Variants in SVIL observed in about 807,000 individuals in gnomAD.
SVIL encodes archvillin.
SVIL carries 101 observed loss-of-function variants against 240.4 expected under a neutral mutation model. That is an observed-to-expected ratio of 0.42 (90% confidence interval 0.36 to 0.50). The LOEUF is 0.50. SVIL is among the 20% of genes least tolerant of loss of function. The probability of loss-of-function intolerance (pLI) is 0.01; values close to 1 mark genes in which losing one functional copy is unlikely to be tolerated. For synonymous variants in SVIL, 999 were observed against 1,100.0 expected (o/e 0.91, Z 1.82); for missense variants, 2,512 against 2,818.7 (o/e 0.89, Z 2.46).
At position 29,509,358 on chromosome 10, in the gene SVIL, A is replaced by AGAGAGAGAGAGAGAG. The variant is rs1554828027; in HGVS notation, c.3516+3362_3516+3376dup. 1.5e-3 allele frequency among the ~76,000 whole-genome samples: 188 copies of AGAGAGAGAGAGAGAG among 128,856 alleles called. 7 individuals carry two copies. Among genetic ancestry groups the AGAGAGAGAGAGAGAG allele is most frequent in the Non-Finnish European group, 2.2e-3 (133 of 59,976 alleles). 84.5% of individuals were successfully genotyped at this position (128,856 alleles called of 152,430 possible). On this transcript the variant is annotated intron_variant, in intron 17 of 37. Transcript: ENST00000355867. The stretch of plus-strand genomic sequence containing the variant: ...GAGAGAGAGAGAGAGAGAGAGAGAG[A>AGAGAGAGAGAGAGAG]GAGAGAGAGAGAGAGAGAGAGAATA...
intron 2 of SVIL, among the ~76,000 whole-genome samples, chr10:29,664,258 A>G (rs971158222): frequency 6.6e-6 from 1 of 152,246 alleles, no homozygotes; most frequent in Non-Finnish European, 1.5e-5. Context: ...CAAAATGTAT[A>G]TTCATAATTT....
At chr10:29,502,000 G>A (rs1003926510) in intron 17 of SVIL, among the ~76,000 whole-genome samples, 13 of 152,232 alleles carry the variant, frequency 8.5e-5, no homozygotes, top group South Asian at 8.3e-4. Flanking sequence ...CCAAAATTTC[G>A]TTTTTCAAAG....
chr10:29,736,270 T>A (rs1271631154), upstream of SVIL, among the ~76,000 whole-genome samples: 1 of 152,136 alleles, frequency 6.6e-6, no homozygotes, highest in Non-Finnish European at 1.5e-5. Flanking sequence ...CATAAGCACG[T>A]CCTATCTTAA....
At chr10:29,625,679 G>A (rs935596127) in intron 1 of SVIL, among the ~76,000 whole-genome samples, 2 of 152,122 alleles carry the variant, frequency 1.3e-5, no homozygotes, top group Non-Finnish European at 2.9e-5. Context: ...ATCCAGGATG[G>A]TCTCGATCTC....
At chr10:29,643,634 C>T (rs912858771) in intron 3 of SVIL, among the ~76,000 whole-genome samples, 1 of 152,178 alleles carries the variant, frequency 6.6e-6, no homozygotes, top group Non-Finnish European at 1.5e-5. Flanking sequence ...AACAACCCCC[C>T]ACCCCTGCCG....
At chr10:29,471,371 AC>A in intron 30 of SVIL, 128 bp from the exon 31 acceptor site, 1 of 697,316 alleles carries the variant, frequency 1.4e-6, no homozygotes, top group Non-Finnish European at 2.3e-6. Context: ...TGCTAACACT[AC>A]CACCTAAAGA....
At chr10:29,604,363 C>CTTTTTTTTTTTTTTTTT (rs71525560) in intron 1 of SVIL, among the ~76,000 whole-genome samples, 1 of 38,428 alleles carries the variant, frequency 2.6e-5, no homozygotes, top group Non-Finnish European at 5.7e-5. Flanking sequence ...CCATGTCTGG[C>CTTTTTTTTTTTTTTTTT]TTTTTTTTTT....
At chr10:29,638,662 T>C (rs181933467), upstream of SVIL, among the ~76,000 whole-genome samples, 1 of 152,314 alleles carries the variant, frequency 6.6e-6, no homozygotes, top group East Asian at 1.9e-4. Flanking sequence ...ACTGGAAATA[T>C]TTATTTTTCC....
At chr10:29,497,903 A>AGTG (rs1160467232) in intron 18 of SVIL, among the ~76,000 whole-genome samples, 2,421 of 141,454 alleles carry the variant, frequency 0.017, 63 homozygotes, top group African/African-American at 0.071. Context: ...CAAACATGGC[A>AGTG]AAACCCCGTC....
At chr10:29,582,195 C>A (rs1345972341) in intron 1 of SVIL, among the ~76,000 whole-genome samples, 3 of 152,168 alleles carry the variant, frequency 2.0e-5, no homozygotes, top group African/African-American at 7.2e-5. Context: ...TTCACTTAAA[C>A]GTGGTTGAAA....
At chr10:29,513,873 C>G (rs192647749) in intron 16 of SVIL, among the ~76,000 whole-genome samples, 114 of 152,046 alleles carry the variant, frequency 7.5e-4, no homozygotes, top group African/African-American at 2.7e-3. Context: ...TACTGGAATC[C>G]TGAAAGGTTA....
chr10:29,641,611 A>G (rs143748841), intron 3 of SVIL, among the ~76,000 whole-genome samples: 4 of 152,324 alleles, frequency 2.6e-5, no homozygotes, highest in African/African-American at 9.6e-5. Flanking sequence ...TAAATTTGTT[A>G]AAGGACAAAT....
intron 1 of SVIL, among the ~76,000 whole-genome samples, chr10:29,712,698 G>A (rs1293680733): frequency 1.3e-5 from 2 of 152,148 alleles, no homozygotes. Context: ...AGATAGAGAA[G>A]GCAAATGTTA....
intron 16 of SVIL, among the ~76,000 whole-genome samples, chr10:29,522,111 A>G (rs1950595409): frequency 6.6e-6 from 1 of 151,604 alleles, no homozygotes; most frequent in Admixed American, 6.6e-5. Context: ...ATATTATAAA[A>G]GATATTGGGA....
At chr10:29,734,672 G>T (rs1487418876) in intron 1 of SVIL, among the ~76,000 whole-genome samples, 1 of 152,104 alleles carries the variant, frequency 6.6e-6, no homozygotes, top group Non-Finnish European at 1.5e-5. Context: ...ACACGAAAAC[G>T]TGAATTCCAT....
At chr10:29,491,272 G>T (rs1947928148) in intron 21 of SVIL, among the ~76,000 whole-genome samples, 1 of 152,268 alleles carries the variant, frequency 6.6e-6, no homozygotes, top group East Asian at 1.9e-4. Context: ...TCCTGGGAGG[G>T]TGTGGAGTAC....
chr10:29,691,215 T>G (rs1961472596), intron 1 of SVIL, among the ~76,000 whole-genome samples: 1 of 150,792 alleles, frequency 6.6e-6, no homozygotes, highest in Non-Finnish European at 1.5e-5. Flanking sequence ...ATGAATAATT[T>G]TTTTTTTTTT....
At chr10:29,655,254 G>C (rs1404105326) in intron 3 of SVIL, among the ~76,000 whole-genome samples, 1 of 152,168 alleles carries the variant, frequency 6.6e-6, no homozygotes, top group South Asian at 2.1e-4. Context: ...GTCAGTCCAA[G>C]TCCTAAAGCC....
chr10:29,474,727 A>C (rs1283894927), intron 29 of SVIL, among the ~76,000 whole-genome samples: 1 of 152,206 alleles, frequency 6.6e-6, no homozygotes, highest in Non-Finnish European at 1.5e-5. Context: ...CTTTGGCAAA[A>C]GAATAGCTGG....
Sources: gnomAD v4.1 joint callset for allele counts (sites outside exome capture counted in the v4.1 genomes callset) on GRCh38, gnomAD v4.1.1 for gene constraint, MANE v1.5 for transcripts, NCBI Gene and HGNC (gene_info 2026-07-23, HGNC 2026-07-21) for gene names.